The following RBFOX1 variants were observed in gnomAD, a reference collection of about 807,000 sequenced individuals.
The protein encoded by RBFOX1 is RNA binding protein fox-1 homolog 1.
In RBFOX1, 8 loss-of-function variants were observed where a neutral mutation model predicts 57.7. The ratio of observed to expected loss-of-function variants is 0.14; its 90% CI spans 0.08 to 0.25. The LOEUF is 0.25. Ranked by LOEUF, RBFOX1 falls within the 10% of genes least tolerant of loss-of-function variation. The pLI is 1.00. For missense variants in RBFOX1, 611 were observed against 548.5 expected (o/e 1.11, Z -1.14); for synonymous variants, 326 against 222.4 (o/e 1.47, Z -4.15).
chr16:7,078,343 C>T (rs1192414920), intron 4 of RBFOX1, among the ~76,000 whole-genome samples: 1 of 152,074 alleles, frequency 6.6e-6, no homozygotes, highest in African/African-American at 2.4e-5. Flanking sequence ...TATAACCAAC[C>T]CCATATACTT....
At chr16:6,683,692 A>G (rs10459842) in intron 3 of RBFOX1, among the ~76,000 whole-genome samples, 81,715 of 151,940 alleles carry the variant, frequency 0.54, 23,922 homozygotes, top group Non-Finnish European at 0.64. Flanking sequence ...AGATCTGCAC[A>G]CCCTAGTCTA....
chr16:7,245,034 GA>G (rs2094232688), intron 4 of RBFOX1, among the ~76,000 whole-genome samples: 1 of 152,130 alleles, frequency 6.6e-6, no homozygotes, highest in Non-Finnish European at 1.5e-5. Flanking sequence ...TCATGAATTA[GA>G]AATATACCAG....
intron 3 of RBFOX1, among the ~76,000 whole-genome samples, chr16:6,714,501 C>G (rs1211649850): frequency 1.3e-5 from 2 of 152,106 alleles, no homozygotes; most frequent in Admixed American, 6.5e-5. Context: ...TAGTATTATC[C>G]TACCCAAGGG....
intron 2 of RBFOX1, among the ~76,000 whole-genome samples, chr16:6,326,507 G>A (rs746364491): frequency 1.3e-5 from 2 of 152,046 alleles, no homozygotes; most frequent in Non-Finnish European, 2.9e-5. Flanking sequence ...TCCCAGCCCA[G>A]GTTTTCTCCT....
chr16:7,496,259 C>T (rs1261177120), intron 4 of RBFOX1, among the ~76,000 whole-genome samples: 6 of 152,210 alleles, frequency 3.9e-5, no homozygotes, highest in Non-Finnish European at 7.3e-5. Context: ...TCTCTTGCCT[C>T]AGCCTCCCAA....
At chr16:7,429,377 G>A (rs1166548207) in intron 4 of RBFOX1, among the ~76,000 whole-genome samples, 2 of 152,142 alleles carry the variant, frequency 1.3e-5, no homozygotes, top group African/African-American at 4.8e-5. Context: ...TGATTTTGGT[G>A]TCACCGTCCT....
chr16:5,403,265 G>T (rs890424175), intron 1 of RBFOX1, among the ~76,000 whole-genome samples: 6 of 150,410 alleles, frequency 4.0e-5, no homozygotes, highest in African/African-American at 7.3e-5. Context: ...CAGGAGAATC[G>T]CTTGAGCCTG....
intron 3 of RBFOX1, among the ~76,000 whole-genome samples, chr16:6,938,884 A>G (rs2077830159): frequency 6.6e-6 from 1 of 152,174 alleles, no homozygotes; most frequent in African/African-American, 2.4e-5. Flanking sequence ...GTGAGCCGAG[A>G]TTGCACCACT....
chr16:7,624,268 A>C (rs991058917), intron 10 of RBFOX1, among the ~76,000 whole-genome samples: 1 of 152,236 alleles, frequency 6.6e-6, no homozygotes, highest in Non-Finnish European at 1.5e-5. Context: ...ATTACTACTA[A>C]ACTTTCAGTT....
At chr16:5,516,883 G>A (rs3922438) in intron 2 of RBFOX1, among the ~76,000 whole-genome samples, 1,995 of 152,210 alleles carry the variant, frequency 0.013, 53 homozygotes, top group African/African-American at 0.046. Flanking sequence ...ATCCCCAGCC[G>A]TGCAGAACTG....
intron 3 of RBFOX1, among the ~76,000 whole-genome samples, chr16:6,867,158 A>C (rs889948491): frequency 6.6e-6 from 1 of 152,206 alleles, no homozygotes; most frequent in African/African-American, 2.4e-5. Context: ...CTAAGTGCAG[A>C]AGTTTTGTGA....
intron 4 of RBFOX1, among the ~76,000 whole-genome samples, chr16:7,098,924 T>G (rs1288318173): frequency 6.6e-6 from 1 of 152,194 alleles, no homozygotes; most frequent in African/African-American, 2.4e-5. Flanking sequence ...CTGTTACTAG[T>G]GCCTGAGGTT....
chr16:7,170,067 C>G (rs1196861082), intron 4 of RBFOX1, among the ~76,000 whole-genome samples: 2 of 152,084 alleles, frequency 1.3e-5, no homozygotes, highest in Admixed American at 6.6e-5. Context: ...GAGGAAGACC[C>G]TGTCTCAAAA....
chr16:5,600,397 G>A (rs1384637446), downstream of RBFOX1, among the ~76,000 whole-genome samples: 1 of 150,498 alleles, frequency 6.6e-6, no homozygotes, highest in Non-Finnish European at 1.5e-5. Flanking sequence ...GAGGTGGGAG[G>A]ATTGCTTGAG....
intron 4 of RBFOX1, among the ~76,000 whole-genome samples, chr16:6,008,570 G>A (rs376492803): frequency 2.2e-4 from 34 of 152,268 alleles, no homozygotes; most frequent in African/African-American, 7.7e-4. Context: ...TTGAGGAAGA[G>A]TTGAAGGAGC....
chr16:5,756,922 T>G (rs568187108), intron 3 of RBFOX1, among the ~76,000 whole-genome samples: 3 of 152,216 alleles, frequency 2.0e-5, no homozygotes, highest in Non-Finnish European at 4.4e-5. Flanking sequence ...CAAGATGATG[T>G]AAAGGATAAA....
At chr16:7,477,979 A>C (rs1044188944) in intron 4 of RBFOX1, among the ~76,000 whole-genome samples, 2 of 152,210 alleles carry the variant, frequency 1.3e-5, no homozygotes, top group Admixed American at 1.3e-4. Flanking sequence ...ACTTTGATTC[A>C]TAAGTATATA....
At chr16:6,192,604 C>A (rs1256216826) in intron 1 of RBFOX1, among the ~76,000 whole-genome samples, 1 of 152,102 alleles carries the variant, frequency 6.6e-6, no homozygotes. Flanking sequence ...AAATGGTATG[C>A]AAACTTCAGA....
At position 6,557,034 on chromosome 16, in the gene RBFOX1, C is replaced by CAT. The variant is rs1330624501; in HGVS notation, c.-63-97568_-63-97567insTA. On this transcript the variant is annotated intron_variant, in intron 2 of 15. Coordinates refer to ENST00000550418, the MANE Select transcript of RBFOX1 (RefSeq NM_018723.4). ...ATATATACATATATATACATATATA[C>CAT]ACATATATATACATATATATACATA... Among the ~76,000 whole-genome samples, 6 of 71,040 alleles carry CAT rather than the reference C, an allele frequency of 8.4e-5. 1 individual carries two copies. The highest frequency in any genetic ancestry group is 5.6e-4 in the Admixed American group (4 of 7,132). The allele number at this position is 71,040 out of a possible 152,430, so 46.6% of individuals were successfully genotyped here. A position where few individuals can be genotyped will look rare whatever the true frequency, so the allele number is the denominator to read the frequency against.
Sources: gnomAD v4.1 joint callset for allele counts (sites outside exome capture counted in the v4.1 genomes callset) on GRCh38, gnomAD v4.1.1 for gene constraint, MANE v1.5 for transcripts, NCBI Gene and HGNC (gene_info 2026-07-23, HGNC 2026-07-21) for gene names.